Variants in FRMD4A observed in about 807,000 individuals in gnomAD.
FRMD4A encodes FERM domain containing 4A.
A neutral mutation model predicts 129.1 loss-of-function variants in FRMD4A; 29 were observed. The ratio of observed to expected loss-of-function variants is 0.22; its 90% CI spans 0.17 to 0.31. The LOEUF is 0.31. Among genes scored for constraint, FRMD4A ranks in the 10% least tolerant of loss-of-function variants. The pLI is 1.00. For missense variants in FRMD4A, 1,272 were observed against 1,375.8 expected, an observed-to-expected ratio of 0.92 and a Z score of 1.19; for synonymous variants, 634 against 571.6, an observed-to-expected ratio of 1.11 and a Z score of -1.56.
intron 2 of FRMD4A, among the ~76,000 whole-genome samples, chr10:14,169,937 C>T (rs534805519): frequency 6.6e-6 from 1 of 152,248 alleles, no homozygotes; most frequent in African/African-American, 2.4e-5. Context: ...TTCTGGTTCA[C>T]AGAGTTCTTT....
chr10:13,954,656 C>T (rs1349950434), intron 2 of FRMD4A, among the ~76,000 whole-genome samples: 1 of 152,144 alleles, frequency 6.6e-6, no homozygotes, highest in African/African-American at 2.4e-5. Flanking sequence ...CCTGCAGACC[C>T]TGGTGTCACC....
intron 2 of FRMD4A, among the ~76,000 whole-genome samples, chr10:14,003,977 T>C (rs1034769122): frequency 2.0e-5 from 3 of 152,246 alleles, no homozygotes; most frequent in Non-Finnish European, 4.4e-5. Flanking sequence ...TCATTTTTAC[T>C]TTACTTCTGG....
chr10:14,290,913 G>C (rs375563963), intron 2 of FRMD4A, among the ~76,000 whole-genome samples: 1 of 152,006 alleles, frequency 6.6e-6, no homozygotes, highest in African/African-American at 2.4e-5. Flanking sequence ...CTCAATAAAA[G>C]GTGTCTATTA....
chr10:14,179,158 C>T (rs115858892), intron 2 of FRMD4A, among the ~76,000 whole-genome samples: 1,789 of 152,234 alleles, frequency 0.012, 38 homozygotes, highest in African/African-American at 0.04. Flanking sequence ...ACATCTTTGC[C>T]ATTTTTGAGG....
intron 2 of FRMD4A, among the ~76,000 whole-genome samples, chr10:14,310,572 C>T (rs1846512638): frequency 1.3e-5 from 2 of 152,204 alleles, no homozygotes; most frequent in Non-Finnish European, 2.9e-5. Flanking sequence ...GCTCCATCCT[C>T]CCTTTTCTTT....
At chr10:13,973,375 G>A (rs1482627976) in intron 2 of FRMD4A, among the ~76,000 whole-genome samples, 4 of 151,984 alleles carry the variant, frequency 2.6e-5, no homozygotes, top group Non-Finnish European at 5.9e-5. Context: ...TATTTTTGGG[G>A]GAGTTTCTCT....
chr10:13,771,086 T>C (rs1430994979), intron 6 of FRMD4A, among the ~76,000 whole-genome samples: 1 of 151,302 alleles, frequency 6.6e-6, no homozygotes, highest in Non-Finnish European at 1.5e-5. Context: ...TTAAACTCCA[T>C]TTTTTTTTAA....
intron 23 of FRMD4A, 64 bp downstream of exon 23, chr10:13,654,352 G>T: frequency 9.7e-7 from 1 of 1,033,138 alleles, no homozygotes; most frequent in Non-Finnish European, 1.5e-6. Flanking sequence ...TATGTCACCA[G>T]GATCTGAACG....
intron 3 of FRMD4A, among the ~76,000 whole-genome samples, chr10:13,846,345 G>A (rs1267892694): frequency 6.6e-6 from 1 of 152,172 alleles, no homozygotes; most frequent in Non-Finnish European, 1.5e-5. Flanking sequence ...CATAAAGGAT[G>A]CTTACATTTT....
intron 2 of FRMD4A, among the ~76,000 whole-genome samples, chr10:14,038,085 G>T (rs1833586224): frequency 6.6e-6 from 1 of 152,246 alleles, no homozygotes; most frequent in Non-Finnish European, 1.5e-5. Flanking sequence ...CATTTTGGGA[G>T]GCCGAGGCGG....
rs188623169 is a variant in FRMD4A at position 13,855,276 on chromosome 10, A to C, written c.111+3571T>G. Among the ~76,000 whole-genome samples the C allele has an allele frequency of 6.8e-4, 103 of 152,286 alleles. No individual in the cohort carries two copies. The East Asian group carries it at 0.019, about 28-fold the overall frequency. On this transcript the variant is annotated intron_variant, in intron 3 of 24. Coordinates refer to ENST00000357447, the MANE Select transcript of FRMD4A (RefSeq NM_018027.5). ...ACTGCATCCTCCTGGCAAGAGGCAA[A>C]TGGGGAGTCGGTTTGGATGCCGTCA...
At chr10:13,728,239 T>C (rs1370942775) in intron 12 of FRMD4A, among the ~76,000 whole-genome samples, 1 of 152,206 alleles carries the variant, frequency 6.6e-6, no homozygotes, top group Non-Finnish European at 1.5e-5. Flanking sequence ...CATTCAATAT[T>C]GATAGCAACC....
intron 3 of FRMD4A, among the ~76,000 whole-genome samples, chr10:13,856,107 T>C (rs2094209910): frequency 6.6e-6 from 1 of 151,988 alleles, no homozygotes; most frequent in Non-Finnish European, 1.5e-5. Flanking sequence ...AAATAGTGCG[T>C]GTATCTATCT....
chr10:14,215,044 A>G (rs889715326), intron 2 of FRMD4A, among the ~76,000 whole-genome samples: 1 of 152,248 alleles, frequency 6.6e-6, no homozygotes, highest in Admixed American at 6.5e-5. Flanking sequence ...GAGATTAAAG[A>G]TAAAACATAT....
At chr10:14,100,244 T>C (rs1837231318) in intron 2 of FRMD4A, among the ~76,000 whole-genome samples, 2 of 152,244 alleles carry the variant, frequency 1.3e-5, no homozygotes, top group Admixed American at 6.5e-5. Flanking sequence ...CTCCATTTTC[T>C]ATCAGTTTTG....
intron 9 of FRMD4A, among the ~76,000 whole-genome samples, chr10:13,747,235 G>C (rs1304560263): frequency 6.6e-6 from 1 of 151,794 alleles, no homozygotes; most frequent in Non-Finnish European, 1.5e-5. Flanking sequence ...CTTCACTTAA[G>C]TAAATGTAGA....
intron 22 of FRMD4A, 119 bp from the exon 23 acceptor site, chr10:13,654,631 G>A (rs984711327): frequency 6.1e-6 from 4 of 659,652 alleles, no homozygotes; most frequent in Non-Finnish European, 8.1e-6. Flanking sequence ...TTCCAGGGAT[G>A]CTGGGAAGGA....
intron 15 of FRMD4A, among the ~76,000 whole-genome samples, chr10:13,678,606 G>A (rs779130170): frequency 1.2e-4 from 19 of 152,198 alleles, no homozygotes; most frequent in South Asian, 4.1e-4. Flanking sequence ...GTGTGCGCAC[G>A]CGCACGCACA....
At chr10:13,856,106 G>A (rs192877297) in intron 3 of FRMD4A, among the ~76,000 whole-genome samples, 10 of 151,488 alleles carry the variant, frequency 6.6e-5, no homozygotes, top group East Asian at 1.9e-4. Flanking sequence ...TAAATAGTGC[G>A]TGTATCTATC....
Sources: allele counts gnomAD v4.1 joint callset (sites outside exome capture counted in the v4.1 genomes callset), GRCh38; gene constraint gnomAD v4.1.1; transcripts MANE v1.5; gene names NCBI Gene and HGNC (gene_info 2026-07-23, HGNC 2026-07-21).